The following SLC9A3 variants were observed in gnomAD, a reference collection of about 807,000 sequenced individuals.
The protein encoded by SLC9A3 is sodium/hydrogen exchanger 3.
In SLC9A3, 37 loss-of-function variants were observed where a neutral mutation model predicts 86.8. That is an observed-to-expected ratio of 0.43 (90% CI 0.33 to 0.56). SLC9A3 has a LOEUF of 0.56. SLC9A3 is among the 20% of genes least tolerant of loss of function. The pLI, the probability that SLC9A3 is intolerant of heterozygous loss-of-function variation, is 0.06. For missense variants in SLC9A3, 1,011 were observed against 1,171.9 expected (o/e 0.86, Z 2.00); for synonymous variants, 581 against 528.3 (o/e 1.10, Z -1.37).
At chr5:504,904 G>A (rs999440159) in intron 1 of SLC9A3, among the ~76,000 whole-genome samples, 3 of 116,828 alleles carry the variant, frequency 2.6e-5, no homozygotes, top group Admixed American at 9.4e-5. Flanking sequence ...AGACCCGGAC[G>A]CCTGTGCCTG....
intron 1 of SLC9A3, among the ~76,000 whole-genome samples, chr5:522,486 G>A (rs55769600): frequency 0.015 from 2,237 of 152,328 alleles, 25 homozygotes; most frequent in Non-Finnish European, 0.023. Flanking sequence ...ACGGCCGGGC[G>A]CGGTGGCTCA....
rs1282037553 is a variant in SLC9A3, at chr5:483,497, G to A, written c.933-15C>T. 7.7e-6 allele frequency: 12 copies of A among 1,549,316 alleles called. No individual in the cohort carries two copies. The highest frequency in any genetic ancestry group is 5.7e-5 in the Admixed American group (3 of 52,224). Reference sequence around the variant, plus strand: ...AGAAGGTGATGCTGCAGGGACAGACGCGCCTCAGGACACGGCCACCTGGCC... The same window carrying A: ...AGAAGGTGATGCTGCAGGGACAGACACGCCTCAGGACACGGCCACCTGGCC... On this transcript the variant is annotated splice_polypyrimidine_tract_variant and intron_variant, in intron 5 of 16. Coordinates refer to ENST00000264938, the MANE Select transcript of SLC9A3 (RefSeq NM_004174.4).
chr5:523,487 G>A (rs1331349081), intron 1 of SLC9A3, among the ~76,000 whole-genome samples: 1 of 151,644 alleles, frequency 6.6e-6, no homozygotes. Context: ...TGATCCCCAC[G>A]AGCTCCTCAG....
intron 1 of SLC9A3, among the ~76,000 whole-genome samples, chr5:501,240 T>C (rs1740264256): frequency 6.6e-6 from 1 of 152,104 alleles, no homozygotes; most frequent in African/African-American, 2.4e-5. Context: ...GCCCAATGCA[T>C]GTCACACCCC....
Position 470,986 on chromosome 5 carries a change from C to T in SLC9A3, c.*2393G>A, listed in dbSNP as rs951905751. 1.3e-5 allele frequency: 2 copies of T among 152,440 alleles called. No homozygotes were observed. The highest frequency in any genetic ancestry group is 4.8e-5 in the African/African-American group (2 of 41,464). The allele number at this position is 152,440 out of a possible 1,614,324, so 9.4% of individuals were successfully genotyped here. ...GGGGATCCCCACTCATGACGAGTCC[C>T]TAGCACTCAGCCCCTGGCACCCACA... On this transcript the variant is annotated 3_prime_UTR_variant, in exon 17 of 17. Transcript: ENST00000264938.
intron 1 of SLC9A3, among the ~76,000 whole-genome samples, chr5:493,963 G>C (rs925823414): frequency 6.6e-6 from 1 of 152,192 alleles, no homozygotes; most frequent in Non-Finnish European, 1.5e-5. Flanking sequence ...CAATGAGGGA[G>C]GGCCTGGCCT....
rs958844869 is a variant in SLC9A3, at chr5:486,072, G to A, written c.676-841C>T. Among the ~76,000 whole-genome samples, 107 of 152,114 alleles carry A rather than the reference G, an allele frequency of 7.0e-4. 1 individual carries two copies. The highest frequency in any genetic ancestry group is 2.1e-4 in the Non-Finnish European group (14 of 68,018). ...GAGAATATCTTGCCGTCTGGTGTGCGACACCCACAGGACTTTCCTCTTTCC... is the reference window on the plus strand; with the variant it reads ...GAGAATATCTTGCCGTCTGGTGTGCAACACCCACAGGACTTTCCTCTTTCC... On this transcript the variant is annotated intron_variant, in intron 3 of 16. Transcript: ENST00000264938.
At chr5:503,294 G>A (rs1740392400) in intron 1 of SLC9A3, among the ~76,000 whole-genome samples, 1 of 152,326 alleles carries the variant, frequency 6.6e-6, no homozygotes, top group East Asian at 1.9e-4. Context: ...GCAGCACTTT[G>A]GGAGGCCAAG....
chr5:471,611 A>C lies in SLC9A3; in HGVS notation c.*1768T>G, dbSNP rs368669839. 1 of 379,940 alleles carries C rather than the reference A, an allele frequency of 2.6e-6. No homozygotes were observed. Among genetic ancestry groups the C allele is most frequent in the Non-Finnish European group, 5.2e-6 (1 of 191,714 alleles). 23.5% of individuals were successfully genotyped at this position (379,940 alleles called of 1,614,324 possible). A position where few individuals can be genotyped will look rare whatever the true frequency, so the allele number is the denominator to read the frequency against. ...ACCAGGGCTGGCCTTGGATCTGTCC[A>C]GTAGGGTCACTGACTGGGCAGGGCT... On this transcript the variant is annotated 3_prime_UTR_variant, in exon 17 of 17. Transcript: ENST00000264938.
chr5:479,488 T>TA, intron 10 of SLC9A3: 2 of 269,010 alleles, frequency 7.4e-6, no homozygotes, highest in South Asian at 3.8e-5. Context: ...CACCTGCGTG[T>TA]GCTGGGGCAG....
intron 4 of SLC9A3, 134 bp downstream of exon 4, chr5:485,019 G>C: frequency 1.4e-6 from 1 of 721,962 alleles, no homozygotes; most frequent in Non-Finnish European, 2.5e-6. Context: ...GGACGGGGAC[G>C]TGACGTGGAC....
In SLC9A3 at chr5:491,731, C is replaced by G. The variant is rs1227090619; in HGVS notation, c.514+38G>C. ...GCAGCGCCGCCCCTCCCGGACCCCA[C>G]CCTGATCCCGGCCGGGGCAACAGTG... is the stretch of plus-strand genomic sequence containing the variant. On this transcript the variant is annotated intron_variant, in intron 2 of 16. Transcript: ENST00000264938. This position sits in a 1 kb window ranked among gnomAD's most constrained non-coding sequence, Gnocchi z 9.2. 1 of 1,479,442 alleles carries G rather than the reference C, an allele frequency of 6.8e-7. No individual in the cohort carries two copies. The highest frequency in any genetic ancestry group is 2.5e-5 in the East Asian group (1 of 40,150). 91.6% of individuals were successfully genotyped at this position (1,479,442 alleles called of 1,614,324 possible).
At chr5:477,623 C>A (rs1738836922) in intron 10 of SLC9A3, among the ~76,000 whole-genome samples, 179 bp from the exon 11 acceptor site, 1 of 152,218 alleles carries the variant, frequency 6.6e-6, no homozygotes, top group African/African-American at 2.4e-5. Flanking sequence ...ACCAGGAGAT[C>A]AGATTTTGAG....
chr5:479,863 C>T lies in SLC9A3; in HGVS notation c.1620G>A (p.Leu540=), dbSNP rs1169232157. ...RILNVFHELN[L]KDAISYVAEG... is the part of the protein sequence containing the mutation. ...CAGCCACGTAGCTGATGGCATCCTT[C>T]AGGTTCAGCTCGTGGAAGACATTCA... is the stretch of plus-strand genomic sequence containing the variant. The change falls in exon 10 of 17, where the codon CTG becomes CTA. Residue 540 remains leucine (L), a synonymous_variant. Transcript: ENST00000264938. The T allele has an allele frequency of 1.2e-6, 2 of 1,613,842 alleles. No individual in the cohort carries two copies. The highest frequency in any genetic ancestry group is 1.7e-6 in the Non-Finnish European group (2 of 1,180,000).
chr5:476,252 G>A lies in SLC9A3; in HGVS notation c.2017C>T (p.Gln673Ter). 1.2e-6 allele frequency: 2 copies of A among 1,613,974 alleles called. No homozygotes were observed. Among genetic ancestry groups the A allele is most frequent in the Non-Finnish European group, 8.5e-7 (1 of 1,179,990 alleles). ...SFKSTKLGLN[Q>*]NKKAAKLYKR... ...TACAGCTTGGCCGCCTTCTTGTTCT[G>A]GTTGAGCCCCAGCTTGGTCGACTTG... The change falls in exon 13 of 17, where the codon CAG becomes TAG. Residue 673 changes from glutamine to a stop codon, truncating the protein, a stop_gained. Transcript: ENST00000264938. LOFTEE classifies it high-confidence loss of function.
At position 491,152 on chromosome 5, in the gene SLC9A3, A is replaced by G. The variant is rs1417280278; in HGVS notation, c.514+617T>C. ...TCAGCCGTGGGGCCCAGCTGGTCAAAGCTAGGCTCTGCCTGAGGTCCCTGG... is the reference window on the plus strand; with the variant it reads ...TCAGCCGTGGGGCCCAGCTGGTCAAGGCTAGGCTCTGCCTGAGGTCCCTGG... On this transcript the variant is annotated intron_variant, in intron 2 of 16. Transcript: ENST00000264938. This position sits in a 1 kb window ranked among gnomAD's most constrained non-coding sequence, Gnocchi z 9.2. Among the ~76,000 whole-genome samples, 1 of 152,146 alleles carries G rather than the reference A, an allele frequency of 6.6e-6. No homozygotes were observed. The highest frequency in any genetic ancestry group is 1.9e-4 in the East Asian group (1 of 5,186).
chr5:514,382 C>T (rs1353549167), intron 1 of SLC9A3, among the ~76,000 whole-genome samples: 1 of 152,242 alleles, frequency 6.6e-6, no homozygotes, highest in Non-Finnish European at 1.5e-5. Context: ...CGGCCTGTGC[C>T]CTCCCTCCTC....
At chr5:482,251 G>T in intron 7 of SLC9A3, 94 bp from the exon 8 acceptor site, 1 of 929,358 alleles carries the variant, frequency 1.1e-6, no homozygotes, top group Non-Finnish European at 1.7e-6. Context: ...CTGCCCCGGG[G>T]CCCACAGGCG....
rs1049731495 is a variant in SLC9A3 at position 523,406 on chromosome 5, C to T, written c.211+706G>A. 2.0e-5 allele frequency among the ~76,000 whole-genome samples: 3 copies of T among 152,180 alleles called. No individual in the cohort carries two copies. The East Asian group carries it at 5.8e-4, about 30-fold the overall frequency. The stretch of plus-strand genomic sequence containing the variant: ...GCCCCACTCGGGCCCCCTAATCCCC[C>T]CTCCACACGAGTGACCACCTCCCTG... On this transcript the variant is annotated intron_variant, in intron 1 of 16. Coordinates refer to ENST00000264938, the MANE Select transcript of SLC9A3 (RefSeq NM_004174.4).
Sources: gnomAD v4.1 joint callset for allele counts (sites outside exome capture counted in the v4.1 genomes callset) on GRCh38, gnomAD v4.1.1 for gene constraint, Gnocchi (gnomAD v3.1) non-coding constraint, MANE v1.5 for transcripts, NCBI Gene and HGNC (gene_info 2026-07-23, HGNC 2026-07-21) for gene names.